HERC2: variants seen among roughly 807,000 people sequenced by gnomAD.
HERC2 encodes the protein HECT and RLD domain containing E3 ubiquitin protein ligase 2, also known as E3 ubiquitin-protein ligase HERC2.
A neutral mutation model predicts 537.7 loss-of-function variants in HERC2; 102 were observed. The ratio of observed to expected loss-of-function variants is 0.19; its 90% CI spans 0.16 to 0.22. The LOEUF (loss-of-function observed/expected upper bound fraction) is 0.22, where lower values mean the gene tolerates loss of function less well. HERC2 is among the 10% of genes least tolerant of loss of function. The pLI is 1.00. For synonymous variants in HERC2, 2,224 were observed against 2,466.2 expected (o/e 0.90, Z 2.91); for missense variants, 4,236 against 6,198.2 (o/e 0.68, Z 10.63).
intron 67 of HERC2, 114 bp from the exon 68 acceptor site, chr15:28,167,941 G>T: frequency 8.4e-7 from 1 of 1,186,120 alleles, no homozygotes; most frequent in Non-Finnish European, 1.2e-6. Context: ...TGTTTAGAAT[G>T]TTCCAGATTT....
rs1449171103 is a variant in HERC2, at chr15:28,233,341, T to C, written c.4480A>G (p.Thr1494Ala). ...VYQAKCSLIK[T>A]HQEQGRSYKE... ...TAAGAACGGCCCTGTTCTTGATGAG[T>C]CTGCAAAGTTAACCAGGAAAAGACA... The change falls in exon 30 of 93, where the codon ACT (threonine) becomes GCT (alanine). Residue 1494 changes from threonine to alanine, a missense_variant and splice_region_variant. By Grantham distance (58) the Thr-to-Ala change is moderately conservative. Coordinates refer to ENST00000261609, the MANE Select transcript of HERC2 (RefSeq NM_004667.6). 1 of 1,407,608 alleles carries C rather than the reference T, an allele frequency of 7.1e-7. No individual in the cohort carries two copies. The highest frequency in any genetic ancestry group is 1.0e-6 in the Non-Finnish European group (1 of 1,001,676). 87.2% of individuals were successfully genotyped at this position (1,407,608 alleles called of 1,614,324 possible).
At position 28,194,970 on chromosome 15, in the gene HERC2, T is replaced by C. The variant is rs549906461; in HGVS notation, c.8260+1245A>G. ...ACTCGGGAGGCTGATGCAGGAGAAT[T>C]GCTTGAGCCCGGGAGGTGTCAGTTA... On this transcript the variant is annotated intron_variant, in intron 52 of 92. Coordinates refer to ENST00000261609, the MANE Select transcript of HERC2 (RefSeq NM_004667.6). Among the ~76,000 whole-genome samples, 30 of 151,008 alleles carry C rather than the reference T, an allele frequency of 2.0e-4. No homozygotes were observed. In the South Asian group the frequency reaches 2.9e-3, roughly 15 times the overall value.
intron 69 of HERC2, among the ~76,000 whole-genome samples, chr15:28,154,325 A>G (rs1892767132): frequency 6.6e-6 from 1 of 152,226 alleles, no homozygotes; most frequent in African/African-American, 2.4e-5. Context: ...TCACATAGGC[A>G]TGATTTTAAA....
chr15:28,144,026 A>T, intron 73 of HERC2, 35 bp from the exon 74 acceptor site: 1 of 1,614,126 alleles, frequency 6.2e-7, no homozygotes, highest in Non-Finnish European at 8.5e-7. Flanking sequence ...CAGAAGTCTG[A>T]TGGTTTCTTC....
At chr15:28,197,810 C>A (rs758178267) in intron 50 of HERC2, among the ~76,000 whole-genome samples, 4 of 152,150 alleles carry the variant, frequency 2.6e-5, no homozygotes, top group Non-Finnish European at 5.9e-5. Context: ...CACAGAATAA[C>A]TGACAGGACA....
At chr15:28,132,574 A>G in intron 80 of HERC2, 79 bp downstream of exon 80, 1 of 1,284,524 alleles carries the variant, frequency 7.8e-7, no homozygotes, top group Non-Finnish European at 1.0e-6. Flanking sequence ...TTTCATAACA[A>G]CGGTGGCAAA....
Position 28,257,120 on chromosome 15 carries a change from G to A in HERC2, c.2458C>T (p.Pro820Ser). 3 of 1,613,788 alleles carry A rather than the reference G, an allele frequency of 1.9e-6. No individual in the cohort carries two copies. The highest frequency in any genetic ancestry group is 2.5e-6 in the Non-Finnish European group (3 of 1,179,722). Residue 820 changes from proline (P) to serine (S), a missense_variant, in exon 17 of 93, where the codon CCC (proline) becomes TCC (serine). Physicochemically the swap from Pro to Ser is moderately conservative, Grantham distance 74. This residue lies in a region of HERC2 where 754 missense variants were observed against 1,085.0 expected (regional missense o/e 0.69). Transcript: ENST00000261609. ...ACACACTCTTTCTCCTGGGGCGGGG[G>A]CCAGTCCGCGGAACCATCCATCCCC... ...SEGMDGSADW[P>S]PPQEKECVAV...
At chr15:28,216,201 C>T (rs1899883220) in intron 38 of HERC2, among the ~76,000 whole-genome samples, 4 of 151,968 alleles carry the variant, frequency 2.6e-5, no homozygotes, top group Admixed American at 2.0e-4. Flanking sequence ...AATAGGAAAA[C>T]CATCTATAAT....
rs1324300714 is a variant in HERC2, at chr15:28,152,777, T to C, written c.10800A>G (p.Thr3600=). 1.3e-6 allele frequency: 2 copies of C among 1,554,540 alleles called. No homozygotes were observed. The highest frequency in any genetic ancestry group is 1.7e-6 in the Non-Finnish European group (2 of 1,148,512). The part of the protein sequence containing the change: ...LCVTELEDVA[T]DSQSGRLSSQ... ...AAGAGAGGCGGCCGCTCTGCGAGTC[T>C]GTGGCCACATCCTCCAACTCGGTGA... Residue 3600 remains threonine (T), a synonymous_variant, in exon 70 of 93, where the codon ACA becomes ACG. Transcript: ENST00000261609.
chr15:28,242,650 G>C (rs1157267148), intron 23 of HERC2, among the ~76,000 whole-genome samples: 1 of 152,122 alleles, frequency 6.6e-6, no homozygotes. Flanking sequence ...TACAACTACA[G>C]ATGCAAAATT....
chr15:28,255,532 A>T (rs1411685456), intron 19 of HERC2, among the ~76,000 whole-genome samples: 2 of 152,318 alleles, frequency 1.3e-5, no homozygotes, highest in East Asian at 3.9e-4. Context: ...TATTGCTGCG[A>T]CACTCAGAGC....
At chr15:28,197,550 G>C (rs966382630) in intron 50 of HERC2, among the ~76,000 whole-genome samples, 1 of 152,068 alleles carries the variant, frequency 6.6e-6, no homozygotes, top group African/African-American at 2.4e-5. Flanking sequence ...TAAGGAGTTC[G>C]AGACCAGCCT....
Position 28,176,313 on chromosome 15 carries a change from A to G in HERC2, c.9686+115T>C, listed in dbSNP as rs1240380763. The G allele has an allele frequency of 2.4e-6, 2 of 842,684 alleles. No homozygotes were observed. The highest frequency in any genetic ancestry group is 1.7e-5 in the African/African-American group (1 of 58,834). 52.2% of individuals were successfully genotyped at this position (842,684 alleles called of 1,614,324 possible). A position where few individuals can be genotyped will look rare whatever the true frequency, so the allele number is the denominator to read the frequency against. Reference sequence around the variant, plus strand: ...TCCTTTAAAGGACAAAGATGCATGCATAAGTAAAAAGAGGACACGTCACAA... The same window carrying G: ...TCCTTTAAAGGACAAAGATGCATGCGTAAGTAAAAAGAGGACACGTCACAA... On this transcript the variant is annotated intron_variant, in intron 63 of 92. Coordinates refer to ENST00000261609, the MANE Select transcript of HERC2 (RefSeq NM_004667.6). This position sits in a 1 kb window ranked among gnomAD's most constrained non-coding sequence, Gnocchi z 5.0.
intron 48 of HERC2, 100 bp downstream of exon 48, chr15:28,201,356 G>A: frequency 3.8e-6 from 3 of 780,176 alleles, no homozygotes; most frequent in Admixed American, 2.0e-5. Flanking sequence ...GCTCCCTGAG[G>A]GCAGGGGCCT....
intron 4 of HERC2, among the ~76,000 whole-genome samples, chr15:28,285,584 A>T (rs184215449): frequency 8.3e-4 from 126 of 152,188 alleles, no homozygotes; most frequent in African/African-American, 3.0e-3. Context: ...TAAATGATAT[A>T]TTAGAAACTT....
chr15:28,112,083 T>A, intron 92 of HERC2, 48 bp from the exon 93 acceptor site: 1 of 1,575,628 alleles, frequency 6.3e-7, no homozygotes, highest in Non-Finnish European at 8.7e-7. Context: ...ACGGCTGCAG[T>A]TTACTTTACT....
chr15:28,150,518 C>G (rs565555077), intron 70 of HERC2, among the ~76,000 whole-genome samples: 1 of 147,900 alleles, frequency 6.8e-6, no homozygotes, highest in South Asian at 2.2e-4. Flanking sequence ...TCACCGAGAA[C>G]AGCCACATGA....
chr15:28,148,045 A>G (rs1596053076), intron 70 of HERC2, among the ~76,000 whole-genome samples: 1 of 150,958 alleles, frequency 6.6e-6, no homozygotes, highest in Non-Finnish European at 1.5e-5. Flanking sequence ...TCCAAAAAAA[A>G]AAAAAAGAAA....
Position 28,224,166 on chromosome 15 carries a change from C to CACACACACACACAGAG in HERC2, c.5465-1952_5465-1951insCTCTGTGTGTGTGTGT, listed in dbSNP as rs748053596. Among the ~76,000 whole-genome samples the CACACACACACACAGAG allele has an allele frequency of 6.6e-3, 973 of 147,662 alleles. 14 individuals are homozygous for CACACACACACACAGAG. The highest frequency in any genetic ancestry group is 0.024 in the African/African-American group (913 of 38,754). On this transcript the variant is annotated intron_variant, in intron 35 of 92. Coordinates refer to ENST00000261609, the MANE Select transcript of HERC2 (RefSeq NM_004667.6). ...ACACACACCCACACACACACACACA[C>CACACACACACACAGAG]AGAGAGAGAGAGAAACAGACAGACA...
Sources: gnomAD v4.1 joint callset for allele counts (sites outside exome capture counted in the v4.1 genomes callset) on GRCh38, gnomAD v4.1.1 for gene constraint, gnomAD v4.1.1 regional missense constraint, Gnocchi (gnomAD v3.1) non-coding constraint, MANE v1.5 for transcripts, NCBI Gene and HGNC (gene_info 2026-07-23, HGNC 2026-07-21) for gene names.